PLPP7: variants seen among roughly 807,000 people sequenced by gnomAD.
The protein encoded by PLPP7 is inactive phospholipid phosphatase 7.
A neutral mutation model predicts 16.9 loss-of-function variants in PLPP7; 11 were observed. That is an observed-to-expected ratio of 0.65 (90% CI 0.41 to 1.08). The LOEUF (loss-of-function observed/expected upper bound fraction) is 1.08. Among genes scored for constraint, PLPP7 ranks in the 50% least tolerant of loss-of-function variants. PLPP7 has a pLI of 0.00. For synonymous variants in PLPP7, 174 were observed against 175.1 expected (o/e 0.99, Z 0.05); for missense variants, 358 against 397.1 (o/e 0.90, Z 0.84).
At chr9:131,291,191 C>A (rs1314767585) in intron 1 of PLPP7, 24 of 1,363,512 alleles carry the variant, frequency 1.8e-5, no homozygotes, top group Non-Finnish European at 2.3e-5. Flanking sequence ...TGATGCCCAG[C>A]CCCCGTCCGG....
rs79805436 is a variant in PLPP7 at position 131,296,562 on chromosome 9, C to G, written c.451+6114C>G. Reference sequence around the variant, plus strand: ...AGCCACGGTGCCCAGCCTACACATTCTTGTAGTAAGAAAAAATGCAATGAT... The same window carrying G: ...AGCCACGGTGCCCAGCCTACACATTGTTGTAGTAAGAAAAAATGCAATGAT... On this transcript the variant is annotated intron_variant, in intron 1 of 1. Transcript: ENST00000372264. Among the ~76,000 whole-genome samples the G allele has an allele frequency of 6.6e-3, 1,003 of 152,252 alleles. 15 individuals carry two copies. Among genetic ancestry groups the G allele is most frequent in the African/African-American group, 0.023 (958 of 41,536 alleles).
At chr9:131,293,423 G>A (rs4740429) in intron 1 of PLPP7, among the ~76,000 whole-genome samples, 2 of 151,976 alleles carry the variant, frequency 1.3e-5, no homozygotes, top group Non-Finnish European at 2.9e-5. Flanking sequence ...TGGGGACCCC[G>A]AGGTCACTCT....
chr9:131,308,115 G>A lies in PLPP7; in HGVS notation c.644G>A (p.Arg215His), dbSNP rs769653120. The A allele has an allele frequency of 1.2e-5, 20 of 1,601,352 alleles. No homozygotes were observed. Among genetic ancestry groups the A allele is most frequent in the Middle Eastern group, 1.6e-4 (1 of 6,062 alleles). The change falls in exon 2 of 2, where the codon CGT becomes CAT. Residue 215 changes from arginine (R) to histidine (H), a missense_variant. Coordinates refer to ENST00000372264, the MANE Select transcript of PLPP7 (RefSeq NM_032728.4). ...LSHLVLAVPL[R>H]VLLVLWALCV... is the part of the protein sequence containing the mutation. ...CACCTGGTGCTGGCGGTGCCCCTGCGTGTGCTGCTGGTGCTCTGGGCCCTC... is the reference window on the plus strand; with the variant it reads ...CACCTGGTGCTGGCGGTGCCCCTGCATGTGCTGCTGGTGCTCTGGGCCCTC...
At position 131,290,136 on chromosome 9, in the gene PLPP7, G is replaced by T. The variant is rs1331842509; in HGVS notation, c.139G>T (p.Ala47Ser). 1 of 1,570,698 alleles carries T rather than the reference G, an allele frequency of 6.4e-7. No homozygotes were observed. Among genetic ancestry groups the T allele is most frequent in the African/African-American group, 1.4e-5 (1 of 73,818 alleles). The part of the protein sequence containing the change: ...SSGRKASGPS[A>S]QPPPAGDGAR... ...GGGCAGAAAGGCCTCGGGCCCATCA[G>T]CACAGCCCCCACCTGCTGGTGACGG... Residue 47 changes from alanine to serine, a missense_variant, in exon 1 of 2, where the codon GCA becomes TCA. Coordinates refer to ENST00000372264, the MANE Select transcript of PLPP7 (RefSeq NM_032728.4). This position sits in a 1 kb window ranked among gnomAD's most constrained non-coding sequence, Gnocchi z 4.2.
intron 1 of PLPP7, among the ~76,000 whole-genome samples, chr9:131,299,493 G>A (rs1332724859): frequency 2.6e-5 from 4 of 152,148 alleles, no homozygotes; most frequent in African/African-American, 4.8e-5. Flanking sequence ...GCCTGGCTGC[G>A]CTGGAGGAGG....
intron 1 of PLPP7, among the ~76,000 whole-genome samples, chr9:131,307,484 G>A (rs111385793): frequency 0.09 from 12,385 of 138,072 alleles, 601 homozygotes; most frequent in Middle Eastern, 0.17. Context: ...TCCGGGAGGC[G>A]GAGGTTCCAG....
At chr9:131,302,595 G>C (rs902355171) in intron 1 of PLPP7, among the ~76,000 whole-genome samples, 9 of 152,216 alleles carry the variant, frequency 5.9e-5, no homozygotes, top group Non-Finnish European at 2.9e-5. Context: ...CAGGGGAACA[G>C]CTGCCGTGAA....
intron 1 of PLPP7, among the ~76,000 whole-genome samples, chr9:131,305,073 G>A (rs1327167403): frequency 2.0e-5 from 3 of 152,174 alleles, no homozygotes; most frequent in Admixed American, 1.3e-4. Flanking sequence ...GAAAACAGTG[G>A]GGTTCCTCAA....
chr9:131,302,696 C>T (rs531820441), intron 1 of PLPP7, among the ~76,000 whole-genome samples: 1 of 152,344 alleles, frequency 6.6e-6, no homozygotes, highest in East Asian at 1.9e-4. Context: ...CCTGCTCAGC[C>T]CCCTCCTGTG....
At chr9:131,304,509 C>A (rs968255706) in intron 1 of PLPP7, among the ~76,000 whole-genome samples, 1 of 152,164 alleles carries the variant, frequency 6.6e-6, no homozygotes, top group Non-Finnish European at 1.5e-5. Context: ...GTGTCAGGTA[C>A]CTGTTGTCCT....
chr9:131,298,786 G>A (rs370819510), intron 1 of PLPP7, among the ~76,000 whole-genome samples: 150 of 152,292 alleles, frequency 9.8e-4, no homozygotes, highest in African/African-American at 3.5e-3. Context: ...CTGGTTCCCT[G>A]GCCACCACCA....
chr9:131,307,813 T>C, intron 1 of PLPP7, 110 bp from the exon 2 acceptor site: 1 of 1,151,916 alleles, frequency 8.7e-7, no homozygotes, highest in South Asian at 1.6e-5. Flanking sequence ...TGTGGCTGAG[T>C]GGCCTGAGTG....
At chr9:131,305,035 G>C (rs77928457) in intron 1 of PLPP7, among the ~76,000 whole-genome samples, 2 of 152,190 alleles carry the variant, frequency 1.3e-5, no homozygotes, top group Non-Finnish European at 2.9e-5. Flanking sequence ...CTCTATAAAG[G>C]GGGGAATGAC....
At chr9:131,306,128 T>A (rs1221932514) in intron 1 of PLPP7, among the ~76,000 whole-genome samples, 1 of 151,952 alleles carries the variant, frequency 6.6e-6, no homozygotes, top group Non-Finnish European at 1.5e-5. Flanking sequence ...TCCCAGCTAC[T>A]CAGGAGGCTG....
At chr9:131,302,699 C>T (rs1030559375) in intron 1 of PLPP7, among the ~76,000 whole-genome samples, 1 of 152,228 alleles carries the variant, frequency 6.6e-6, no homozygotes, top group African/African-American at 2.4e-5. Context: ...GCTCAGCCCC[C>T]TCCTGTGCTG....
chr9:131,292,992 C>A, intron 1 of PLPP7: 1 of 980,490 alleles, frequency 1.0e-6, no homozygotes, highest in Non-Finnish European at 1.2e-6. Context: ...TTAAAAACAT[C>A]ATGTATTGAG....
intron 1 of PLPP7, among the ~76,000 whole-genome samples, chr9:131,306,985 G>A (rs1258504231): frequency 6.6e-6 from 1 of 152,174 alleles, no homozygotes; most frequent in Non-Finnish European, 1.5e-5. Context: ...GCTCACGCCT[G>A]TAATGGGTGA....
rs1225964234 is a variant in PLPP7, at chr9:131,290,706, C to A, written c.451+258C>A. Among the ~76,000 whole-genome samples the A allele has an allele frequency of 1.3e-5, 2 of 152,218 alleles. No homozygotes were observed. The highest frequency in any genetic ancestry group is 2.9e-5 in the Non-Finnish European group (2 of 68,044). On this transcript the variant is annotated intron_variant, in intron 1 of 1. Coordinates refer to ENST00000372264, the MANE Select transcript of PLPP7 (RefSeq NM_032728.4). This position sits in a 1 kb window ranked among gnomAD's most constrained non-coding sequence, Gnocchi z 4.2. ...ATTGCGGCCCTGTGAGAAGGACCTG[C>A]TCAGCAAAAGGCACCGCTGCCCAGA...
chr9:131,298,240 C>T (rs954146426), intron 1 of PLPP7, among the ~76,000 whole-genome samples: 1 of 152,084 alleles, frequency 6.6e-6, no homozygotes, highest in African/African-American at 2.4e-5. Context: ...AAGCCAAATG[C>T]CCTTCGGGAA....
Sources: gnomAD v4.1 joint callset for allele counts (sites outside exome capture counted in the v4.1 genomes callset) on GRCh38, gnomAD v4.1.1 for gene constraint, Gnocchi (gnomAD v3.1) non-coding constraint, MANE v1.5 for transcripts, NCBI Gene and HGNC (gene_info 2026-07-23, HGNC 2026-07-21) for gene names.